The following IFT88 variants were observed in gnomAD, a reference collection of about 807,000 sequenced individuals.
IFT88 encodes the protein intraflagellar transport protein 88 homolog.
IFT88 carries 74 observed loss-of-function variants against 119.5 expected under a neutral mutation model. The observed-to-expected ratio is 0.62, with a 90% CI of 0.51 to 0.75. The LOEUF (loss-of-function observed/expected upper bound fraction) is 0.75. IFT88 is among the 30% of genes least tolerant of loss of function. The pLI, the probability that IFT88 is intolerant of heterozygous loss-of-function variation, is 0.00. For synonymous variants in IFT88, 279 were observed against 316.7 expected, an observed-to-expected ratio of 0.88 and a Z score of 1.26; for missense variants, 961 against 977.7, an observed-to-expected ratio of 0.98 and a Z score of 0.23.
At chr13:20,656,220 T>C (rs1261555436) in intron 21 of IFT88, 145 bp from the exon 22 acceptor site, 4 of 349,492 alleles carry the variant, frequency 1.1e-5, no homozygotes, top group East Asian at 4.5e-5. Flanking sequence ...CATTTTCTTC[T>C]AAAAGTTATA....
At chr13:20,596,632 T>A (rs2041690507) in intron 8 of IFT88, among the ~76,000 whole-genome samples, 1 of 152,216 alleles carries the variant, frequency 6.6e-6, no homozygotes, top group Admixed American at 6.5e-5. Context: ...CTAAGTAAAC[T>A]AAAAAATTAG....
chr13:20,683,997 C>T (rs1042091660), intron 24 of IFT88, among the ~76,000 whole-genome samples: 3 of 152,220 alleles, frequency 2.0e-5, no homozygotes, highest in African/African-American at 7.2e-5. Flanking sequence ...TCCCCACTGG[C>T]ATCATCTGAC....
rs146564286 is a variant in IFT88, at chr13:20,579,359, G to T, written c.91-3598G>T. Among the ~76,000 whole-genome samples, 15 of 152,272 alleles carry T rather than the reference G, an allele frequency of 9.9e-5. No individual in the cohort carries two copies. In the East Asian group the frequency reaches 2.9e-3, roughly 29 times the overall value. On this transcript the variant is annotated intron_variant, in intron 2 of 25. Transcript: ENST00000351808. ...GCTGCTGCTGAGCTGGCACTGAACC[G>T]TAAGACAAAGTCCTTTCCACTCTTT...
At chr13:20,646,402 A>G (rs1440406803) in intron 20 of IFT88, among the ~76,000 whole-genome samples, 2 of 151,024 alleles carry the variant, frequency 1.3e-5, no homozygotes, top group African/African-American at 4.9e-5. Context: ...TCCCAGGTTT[A>G]AGCGATTCTC....
At chr13:20,651,603 C>T (rs973358024) in intron 20 of IFT88, among the ~76,000 whole-genome samples, 3 of 151,626 alleles carry the variant, frequency 2.0e-5, no homozygotes, top group South Asian at 2.1e-4. Context: ...TTGCTGTCCA[C>T]GGTTTCAGTT....
At position 20,576,161 on chromosome 13, in the gene IFT88, A is replaced by G. The variant is rs917701325; in HGVS notation, c.90+1686A>G. On this transcript the variant is annotated intron_variant, in intron 2 of 25. Transcript: ENST00000351808. The stretch of plus-strand genomic sequence containing the variant: ...TTTCATATACATGCTTGCCATTTGT[A>G]TGTCTTCTTTTTAGAAATATCTATT... 3.3e-5 allele frequency among the ~76,000 whole-genome samples: 5 copies of G among 152,276 alleles called. No individual in the cohort carries two copies. The East Asian group carries it at 7.7e-4, about 23-fold the overall frequency.
rs532431368 is a variant in IFT88 at position 20,669,666 on chromosome 13, C to T, written c.2176-1307C>T. Among the ~76,000 whole-genome samples, 8 of 152,192 alleles carry T rather than the reference C, an allele frequency of 5.3e-5. No individual in the cohort carries two copies. In the East Asian group the frequency reaches 1.5e-3, roughly 29 times the overall value. ...CTTGAACTCCTGACCTCAGGTAATC[C>T]ACCCGCCTCGGCCTCCCAAAGTGCT... On this transcript the variant is annotated intron_variant, in intron 23 of 25. Coordinates refer to ENST00000351808, the MANE Select transcript of IFT88 (RefSeq NM_006531.5).
chr13:20,621,526 T>TAAAAA lies in IFT88; in HGVS notation c.1200-4197_1200-4193dup, dbSNP rs200491393. ...TCAATTTTCCCAAAACCTGCTGAGA[T>TAAAAA]AAAAAAAAAAAAAAAAAAAAAAAAA... On this transcript the variant is annotated intron_variant, in intron 14 of 25. Transcript: ENST00000351808. 8.0e-4 allele frequency among the ~76,000 whole-genome samples: 105 copies of TAAAAA among 130,736 alleles called. 1 individual carries two copies. The highest frequency in any genetic ancestry group is 4.0e-3 in the Middle Eastern group (1 of 252). The allele number at this position is 130,736 out of a possible 152,430, so 85.8% of individuals were successfully genotyped here.
At chr13:20,601,310 G>A (rs1166669171) in intron 11 of IFT88, among the ~76,000 whole-genome samples, 1 of 151,668 alleles carries the variant, frequency 6.6e-6, no homozygotes, top group Non-Finnish European at 1.5e-5. Flanking sequence ...AGGTTCCAGT[G>A]AGCAGACATC....
At chr13:20,684,833 T>C (rs1203223287) in intron 24 of IFT88, among the ~76,000 whole-genome samples, 1 of 152,216 alleles carries the variant, frequency 6.6e-6, no homozygotes, top group Non-Finnish European at 1.5e-5. Flanking sequence ...TTCCCCAGCG[T>C]AGTTCCACGT....
At chr13:20,582,579 G>A (rs188490085) in intron 2 of IFT88, among the ~76,000 whole-genome samples, 2 of 152,120 alleles carry the variant, frequency 1.3e-5, no homozygotes, top group East Asian at 1.9e-4. Context: ...AAAGACAGGG[G>A]GATGGTGGGG....
chr13:20,604,555 G>A (rs1263236611), intron 12 of IFT88, among the ~76,000 whole-genome samples: 1 of 152,162 alleles, frequency 6.6e-6, no homozygotes, highest in African/African-American at 2.4e-5. Flanking sequence ...AATGTGATTG[G>A]TAATCAGAAA....
At chr13:20,636,073 T>C (rs1218087958) in intron 16 of IFT88, among the ~76,000 whole-genome samples, 1 of 151,790 alleles carries the variant, frequency 6.6e-6, no homozygotes, top group Non-Finnish European at 1.5e-5. Context: ...ACTTGGAGGG[T>C]TTTCTCTAAA....
chr13:20,602,425 G>C (rs1009546047), intron 12 of IFT88, among the ~76,000 whole-genome samples: 4 of 151,932 alleles, frequency 2.6e-5, no homozygotes, highest in Admixed American at 2.6e-4. Flanking sequence ...GGCTGGTCTT[G>C]AACTCCTGGC....
chr13:20,597,769 ATTTT>A (rs1181805946), intron 9 of IFT88, among the ~76,000 whole-genome samples: 3 of 143,846 alleles, frequency 2.1e-5, no homozygotes, highest in African/African-American at 7.7e-5. Context: ...ATATATATAT[ATTTT>A]TTTTTTGATA....
rs541569238 is a variant in IFT88 at position 20,665,027 on chromosome 13, T to G, written c.2175+1423T>G. Among the ~76,000 whole-genome samples, 156 of 150,686 alleles carry G rather than the reference T, an allele frequency of 1.0e-3. 2 individuals carry two copies. The highest frequency in any genetic ancestry group is 2.0e-3 in the Non-Finnish European group (134 of 67,776). On this transcript the variant is annotated intron_variant, in intron 23 of 25. Coordinates refer to ENST00000351808, the MANE Select transcript of IFT88 (RefSeq NM_006531.5). ...CTGGGAGGCGGAGCTTGCAGTGAGC[T>G]GAGATCCTGCCACTGCACTCCAGCC...
chr13:20,573,384 A>G (rs1481411416), intron 1 of IFT88, among the ~76,000 whole-genome samples: 1 of 152,110 alleles, frequency 6.6e-6, no homozygotes, highest in South Asian at 2.1e-4. Flanking sequence ...CGCCTGTCCA[A>G]GGTTACATGA....
chr13:20,627,751 AAAGG>A (rs1374278717), intron 15 of IFT88, among the ~76,000 whole-genome samples: 2 of 148,068 alleles, frequency 1.4e-5, no homozygotes, highest in Admixed American at 6.7e-5. Context: ...AAAAAAAAAA[AAAGG>A]TTAAGAATGC....
intron 2 of IFT88, among the ~76,000 whole-genome samples, chr13:20,578,268 C>T (rs377321787): frequency 2.0e-5 from 3 of 150,082 alleles, no homozygotes; most frequent in Admixed American, 1.3e-4. Context: ...AGGATGGTCT[C>T]GATCTCCTGA....
Sources: allele counts gnomAD v4.1 joint callset (sites outside exome capture counted in the v4.1 genomes callset), GRCh38; gene constraint gnomAD v4.1.1; transcripts MANE v1.5; gene names NCBI Gene and HGNC (gene_info 2026-07-23, HGNC 2026-07-21).